Variants in ATP6V1B1 observed in about 807,000 individuals in gnomAD.
The protein encoded by ATP6V1B1 is ATPase H+ transporting V1 subunit B1, also known as V-type proton ATPase subunit B, kidney isoform.
ATP6V1B1 carries 41 observed loss-of-function variants against 62.1 expected under a neutral mutation model. The observed-to-expected ratio is 0.66, with a 90% confidence interval of 0.51 to 0.86. The LOEUF (loss-of-function observed/expected upper bound fraction) is 0.86, where lower values mean the gene tolerates loss of function less well. Among genes scored for constraint, ATP6V1B1 ranks in the 40% least tolerant of loss-of-function variants. The pLI is 0.00. For missense variants in ATP6V1B1, 651 were observed against 697.5 expected, an observed-to-expected ratio of 0.93 and a Z score of 0.75; for synonymous variants, 253 against 273.4, an observed-to-expected ratio of 0.93 and a Z score of 0.74.
chr2:70,943,521 C>A, intron 1 of ATP6V1B1, 137 bp from the exon 2 acceptor site: 1 of 919,102 alleles, frequency 1.1e-6, no homozygotes, highest in Non-Finnish European at 1.7e-6. Context: ...CTGGCCCTGT[C>A]ACAGCTAATG....
intron 1 of ATP6V1B1, among the ~76,000 whole-genome samples, chr2:70,937,516 G>A (rs1194900002): frequency 1.3e-5 from 2 of 151,956 alleles, no homozygotes; most frequent in Admixed American, 1.3e-4. Flanking sequence ...ATACTCCCTA[G>A]GCCAAAGCTA....
chr2:70,936,274 C>T (rs1553415376), intron 1 of ATP6V1B1, among the ~76,000 whole-genome samples: 1 of 152,126 alleles, frequency 6.6e-6, no homozygotes, highest in Non-Finnish European at 1.5e-5. Flanking sequence ...GGTTGCAGGT[C>T]CCCAGCCCAG....
chr2:70,961,817 A>G, intron 8 of ATP6V1B1, 124 bp downstream of exon 8: 2 of 951,212 alleles, frequency 2.1e-6, no homozygotes, highest in East Asian at 5.1e-5. Context: ...TGGGAGAACA[A>G]CCCTCATTGT....
At chr2:70,946,891 C>A (rs1169969954) in intron 2 of ATP6V1B1, among the ~76,000 whole-genome samples, 2 of 152,118 alleles carry the variant, frequency 1.3e-5, no homozygotes, top group Non-Finnish European at 2.9e-5. Flanking sequence ...TGTGGTTTTG[C>A]GACTATCGGA....
chr2:70,941,471 GCTCAAACGGCC>G (rs1186339858), intron 1 of ATP6V1B1: 1 of 983,600 alleles, frequency 1.0e-6, no homozygotes, highest in Non-Finnish European at 1.2e-6. Flanking sequence ...TGAAGGCTCA[GCTCAAACGGCC>G]CTTCCCATAA....
chr2:70,959,870 G>C lies in ATP6V1B1; in HGVS notation c.446-69G>C. On this transcript the variant is annotated intron_variant, in intron 5 of 13. Transcript: ENST00000234396. The surrounding 1 kb of genome is among the most constrained non-coding windows in gnomAD (Gnocchi z 4.2). ...CAAACAGGGCGGCTCTGGAGTCTGG[G>C]GTCAGTGTCGAGGAGAGCAGGGAAG... 6.2e-7 allele frequency: 1 copy of C among 1,612,818 alleles called. No individual in the cohort carries two copies. The highest frequency in any genetic ancestry group is 8.5e-7 in the Non-Finnish European group (1 of 1,179,392).
intron 2 of ATP6V1B1, chr2:70,944,009 C>G: frequency 1.0e-6 from 1 of 985,348 alleles, no homozygotes; most frequent in Non-Finnish European, 1.2e-6. Flanking sequence ...GTTTCCCTAT[C>G]AGTGGCATGG....
In ATP6V1B1 at chr2:70,943,678, G is replaced by GTGAACGGGCCCCTGGTGGTGCTGGAC; in HGVS notation, c.140_165dup (p.Arg56Ter). 1.2e-6 allele frequency: 2 copies of GTGAACGGGCCCCTGGTGGTGCTGGAC among 1,613,878 alleles called. No individual in the cohort carries two copies. Among genetic ancestry groups the GTGAACGGGCCCCTGGTGGTGCTGGAC allele is most frequent in the Non-Finnish European group, 1.7e-6 (2 of 1,179,974 alleles). ...CCCAGCCTACAGGACTGTGTGCAGC[G>GTGAACGGGCCCCTGGTGGTGCTGGAC]TGAACGGGCCCCTGGTGGTGCTGGA... On this transcript the variant is annotated frameshift_variant, in exon 2 of 14. Coordinates refer to ENST00000234396, the MANE Select transcript of ATP6V1B1 (RefSeq NM_001692.4). LOFTEE classifies it high-confidence loss of function.
At chr2:70,957,498 G>A (rs1553419255) in intron 2 of ATP6V1B1, among the ~76,000 whole-genome samples, 2 of 152,124 alleles carry the variant, frequency 1.3e-5, no homozygotes, top group South Asian at 2.1e-4. Context: ...CACTGGTATC[G>A]AAGGACGCCT....
At chr2:70,946,760 C>T (rs1553417428) in intron 2 of ATP6V1B1, among the ~76,000 whole-genome samples, 1 of 152,176 alleles carries the variant, frequency 6.6e-6, no homozygotes, top group African/African-American at 2.4e-5. Context: ...CCACACTCTC[C>T]ACCAGACCTG....
At chr2:70,936,098 G>A (rs782442801) in intron 1 of ATP6V1B1, 26 bp downstream of exon 1, 5 of 1,607,414 alleles carry the variant, frequency 3.1e-6, no homozygotes, top group South Asian at 2.2e-5. Flanking sequence ...ACCGTGACGG[G>A]TGAGGTCAGG....
chr2:70,964,656 T>C, intron 12 of ATP6V1B1, 80 bp from the exon 13 acceptor site: 1 of 1,612,302 alleles, frequency 6.2e-7, no homozygotes, highest in Non-Finnish European at 8.5e-7. Flanking sequence ...CCGAACGGGG[T>C]CCCAGTGTGG....
In ATP6V1B1 at chr2:70,965,350, A is replaced by C; in HGVS notation, c.*229A>C. The C allele has an allele frequency of 1.6e-6, 1 of 617,520 alleles. No homozygotes were observed. The highest frequency in any genetic ancestry group is 2.0e-5 in the South Asian group (1 of 50,988). The allele number at this position is 617,520 out of a possible 1,614,324, so 38.3% of individuals were successfully genotyped here. On this transcript the variant is annotated 3_prime_UTR_variant, in exon 14 of 14. Transcript: ENST00000234396. ...TGCTGCGGAAGAACTGAAGGTTGCG[A>C]TGCCTTACTCTGACGGGAGCATCTG...
intron 2 of ATP6V1B1, among the ~76,000 whole-genome samples, chr2:70,951,267 T>C (rs1553418259): frequency 6.6e-6 from 1 of 152,140 alleles, no homozygotes; most frequent in Admixed American, 6.5e-5. Context: ...GAGGGTACGC[T>C]AAGCTCAAGT....
chr2:70,936,227 G>GGGCCACCTGGACCAGA (rs1305399402), intron 1 of ATP6V1B1, among the ~76,000 whole-genome samples, 155 bp downstream of exon 1: 1 of 152,124 alleles, frequency 6.6e-6, no homozygotes, highest in African/African-American at 2.4e-5. Context: ...TGACGCAGTG[G>GGGCCACCTGGACCAGA]GGCCACCTGG....
At chr2:70,946,966 C>T (rs148653024) in intron 2 of ATP6V1B1, among the ~76,000 whole-genome samples, 3,643 of 152,326 alleles carry the variant, frequency 0.024, 70 homozygotes, top group Non-Finnish European at 0.035. Context: ...CATCCCTCTC[C>T]GTTGCCCCTA....
Position 70,963,744 on chromosome 2 carries a change from G to C in ATP6V1B1, c.1143+90G>C. 6.8e-7 allele frequency: 1 copy of C among 1,461,380 alleles called. No homozygotes were observed. Among genetic ancestry groups the C allele is most frequent in the Middle Eastern group, 1.7e-4 (1 of 5,792 alleles). 90.5% of individuals were successfully genotyped at this position (1,461,380 alleles called of 1,614,324 possible). A position where few individuals can be genotyped will look rare whatever the true frequency, so the allele number is the denominator to read the frequency against. ...CACTGCCCCCAGGCATGAATTAGGA[G>C]GGGCCAGCCAAAGCGAACCCCAAAC... On this transcript the variant is annotated intron_variant, in intron 11 of 13. Coordinates refer to ENST00000234396, the MANE Select transcript of ATP6V1B1 (RefSeq NM_001692.4). This position sits in a 1 kb window ranked among gnomAD's most constrained non-coding sequence, Gnocchi z 4.3.
chr2:70,940,341 CCCCCACCT>C, intron 1 of ATP6V1B1: 1 of 831,190 alleles, frequency 1.2e-6, no homozygotes, highest in Non-Finnish European at 1.5e-6. Flanking sequence ...CCCTCCCACA[CCCCCACCT>C]CCCTATCCAG....
At chr2:70,951,391 A>G (rs922558925) in intron 2 of ATP6V1B1, among the ~76,000 whole-genome samples, 2 of 152,178 alleles carry the variant, frequency 1.3e-5, no homozygotes, top group African/African-American at 4.8e-5. Flanking sequence ...CCACATTCCA[A>G]TTTATCAGTT....
Sources: allele counts gnomAD v4.1 joint callset (sites outside exome capture counted in the v4.1 genomes callset), GRCh38; gene constraint gnomAD v4.1.1; non-coding constraint Gnocchi (gnomAD v3.1); transcripts MANE v1.5; gene names NCBI Gene and HGNC (gene_info 2026-07-23, HGNC 2026-07-21).